Variants in TCF4 observed in about 807,000 individuals in gnomAD.
TCF4 encodes the protein transcription factor 4.
A neutral mutation model predicts 82.1 loss-of-function variants in TCF4; 3 were observed. That is an observed-to-expected ratio of 0.04 (90% CI 0.02 to 0.09). The LOEUF is 0.09. Among genes scored for constraint, TCF4 ranks in the 10% least tolerant of loss-of-function variants. The pLI is 1.00. For missense variants in TCF4, 518 were observed against 852.7 expected (o/e 0.61, Z 4.89); for synonymous variants, 276 against 309.6 (o/e 0.89, Z 1.14).
chr18:55,234,489 A>T, intron 16 of TCF4, 59 bp downstream of exon 16: 1 of 1,611,168 alleles, frequency 6.2e-7, no homozygotes, highest in Non-Finnish European at 8.5e-7. Flanking sequence ...GAGGCTGGGT[A>T]TCAACACTGG....
chr18:55,311,523 C>T (rs781299930), intron 8 of TCF4, among the ~76,000 whole-genome samples: 12 of 152,208 alleles, frequency 7.9e-5, no homozygotes, highest in Non-Finnish European at 1.8e-4. Flanking sequence ...AGTCTGTCAG[C>T]AACAAATATC....
chr18:55,352,459 T>A (rs145654699), intron 6 of TCF4, among the ~76,000 whole-genome samples: 292 of 152,228 alleles, frequency 1.9e-3, no homozygotes, highest in Non-Finnish European at 3.6e-3. Context: ...TGATTCCAGT[T>A]TAAGACTTTT....
At chr18:55,448,486 G>T (rs559498219) in intron 5 of TCF4, among the ~76,000 whole-genome samples, 8 of 152,318 alleles carry the variant, frequency 5.3e-5, no homozygotes, top group African/African-American at 1.7e-4. Flanking sequence ...CGGCTAAATG[G>T]CCTAGCAAAT....
chr18:55,437,976 G>A (rs527438610), intron 5 of TCF4, among the ~76,000 whole-genome samples: 89 of 152,230 alleles, frequency 5.8e-4, no homozygotes, highest in South Asian at 1.2e-3. Context: ...CAAGGTGGGC[G>A]GATCACTTGA....
At chr18:55,575,726 C>T (rs1374684354) in intron 3 of TCF4, among the ~76,000 whole-genome samples, 1 of 152,118 alleles carries the variant, frequency 6.6e-6, no homozygotes, top group Non-Finnish European at 1.5e-5. Context: ...GAGAAAGACA[C>T]TTTAATCTGA....
intron 8 of TCF4, among the ~76,000 whole-genome samples, chr18:55,327,493 T>C (rs572724071): frequency 5.3e-4 from 80 of 152,050 alleles, no homozygotes; most frequent in Non-Finnish European, 9.0e-4. Context: ...TGAAATCTAA[T>C]TTTATTTGTG....
chr18:55,619,178 G>A, intron 2 of TCF4, among the ~76,000 whole-genome samples: 1 of 152,006 alleles, frequency 6.6e-6, no homozygotes. Context: ...GTGAGATTAA[G>A]GAGGTTTTAA....
chr18:55,425,095 T>A (rs1250234800), intron 5 of TCF4, among the ~76,000 whole-genome samples: 1 of 152,220 alleles, frequency 6.6e-6, no homozygotes, highest in Admixed American at 6.5e-5. Flanking sequence ...CCAGCCACTT[T>A]AAGGATTAAG....
At chr18:55,545,332 C>T (rs1259454194) in intron 3 of TCF4, among the ~76,000 whole-genome samples, 3 of 152,170 alleles carry the variant, frequency 2.0e-5, no homozygotes, top group African/African-American at 7.2e-5. Flanking sequence ...ACAGATTTGT[C>T]TTCTAGTCAA....
chr18:55,421,842 G>A (rs955829018), intron 5 of TCF4, among the ~76,000 whole-genome samples: 4 of 152,112 alleles, frequency 2.6e-5, no homozygotes, highest in Non-Finnish European at 5.9e-5. Flanking sequence ...TTGGCATCAA[G>A]TGTACATTTG....
intron 3 of TCF4, among the ~76,000 whole-genome samples, chr18:55,558,935 G>A (rs2097330128): frequency 6.6e-6 from 1 of 151,358 alleles, no homozygotes; most frequent in African/African-American, 2.4e-5. Flanking sequence ...TAAAGAAAAA[G>A]CATACATTTT....
chr18:55,257,754 G>A (rs1432880077), intron 13 of TCF4, among the ~76,000 whole-genome samples: 1 of 152,136 alleles, frequency 6.6e-6, no homozygotes, highest in Non-Finnish European at 1.5e-5. Flanking sequence ...TGCAAGGCTA[G>A]TTTATGTTAA....
intron 2 of TCF4, among the ~76,000 whole-genome samples, chr18:55,621,662 C>CATTATAT (rs1390785982): frequency 1.3e-4 from 6 of 44,568 alleles, no homozygotes; most frequent in Non-Finnish European, 1.6e-4. Flanking sequence ...ATATAATATA[C>CATTATAT]ATTATATAAT....
chr18:55,559,639 T>A (rs200001454), intron 3 of TCF4, among the ~76,000 whole-genome samples: 3 of 148,662 alleles, frequency 2.0e-5, no homozygotes. Context: ...GTTTTTTCTT[T>A]AAAAAAAAAA....
chr18:55,258,239 G>C (rs1215399534), intron 13 of TCF4, among the ~76,000 whole-genome samples: 1 of 151,994 alleles, frequency 6.6e-6, no homozygotes, highest in Non-Finnish European at 1.5e-5. Context: ...TACTTTTCTT[G>C]ACAGAATTTG....
intron 10 of TCF4, among the ~76,000 whole-genome samples, chr18:55,271,574 TA>T (rs1412997574): frequency 3.3e-5 from 5 of 152,136 alleles, no homozygotes; most frequent in Admixed American, 3.3e-4. Context: ...AAGACTTCCG[TA>T]AAAAAGTTGA....
chr18:55,228,018 T>C lies in TCF4; in HGVS notation c.*17A>G, dbSNP rs1187292350. On this transcript the variant is annotated 3_prime_UTR_variant, in exon 20 of 20. Coordinates refer to ENST00000354452, the MANE Select transcript of TCF4 (RefSeq NM_001083962.2). ...GGTCTCTTGTTTTAATGAAGCAATG[T>C]GGCAACTTGGACCTGAGAAAGGAAA... The C allele has an allele frequency of 1.7e-6, 1 of 590,990 alleles. No homozygotes were observed. Among genetic ancestry groups the C allele is most frequent in the African/African-American group, 1.9e-5 (1 of 53,498 alleles). 36.6% of individuals were successfully genotyped at this position (590,990 alleles called of 1,614,324 possible). A position where few individuals can be genotyped will look rare whatever the true frequency, so the allele number is the denominator to read the frequency against.
At chr18:55,382,583 T>C (rs1407353111) in intron 6 of TCF4, among the ~76,000 whole-genome samples, 1 of 152,144 alleles carries the variant, frequency 6.6e-6, no homozygotes, top group African/African-American at 2.4e-5. Context: ...CCAAGGGGAA[T>C]CATAAGCACG....
intron 3 of TCF4, among the ~76,000 whole-genome samples, chr18:55,504,311 C>T (rs973086459): frequency 1.3e-5 from 2 of 152,226 alleles, no homozygotes; most frequent in South Asian, 2.1e-4. Flanking sequence ...CATTTCCCAG[C>T]TCCTTCCTTG....
Sources: allele counts gnomAD v4.1 joint callset (sites outside exome capture counted in the v4.1 genomes callset), GRCh38; gene constraint gnomAD v4.1.1; transcripts MANE v1.5; gene names NCBI Gene and HGNC (gene_info 2026-07-23, HGNC 2026-07-21).